Variants in SLCO3A1 observed in about 807,000 individuals in gnomAD.
SLCO3A1 encodes the protein solute carrier organic anion transporter family member 3A1.
Under a neutral mutation model 63.1 loss-of-function variants are expected in SLCO3A1, and 27 were observed. The ratio of observed to expected loss-of-function variants is 0.43; its 90% CI spans 0.32 to 0.59. The LOEUF is 0.59. Ranked by LOEUF, SLCO3A1 falls within the 20% of genes least tolerant of loss-of-function variation. SLCO3A1 has a pLI of 0.09. For missense variants in SLCO3A1, 773 were observed against 945.8 expected (o/e 0.82, Z 2.40); for synonymous variants, 473 against 409.9 (o/e 1.15, Z -1.86).
chr15:91,868,855 T>C (rs556801537), intron 1 of SLCO3A1, among the ~76,000 whole-genome samples: 1 of 152,330 alleles, frequency 6.6e-6, no homozygotes, highest in South Asian at 2.1e-4. Context: ...AACCTACTCT[T>C]TCCTCTAAAT....
intron 2 of SLCO3A1, among the ~76,000 whole-genome samples, chr15:91,989,589 A>C (rs771696920): frequency 7.2e-5 from 11 of 152,256 alleles, no homozygotes; most frequent in Non-Finnish European, 1.3e-4. Flanking sequence ...TTGCAGAGTC[A>C]TGGTACAAAT....
chr15:92,053,929 C>T (rs1029280380), intron 2 of SLCO3A1, among the ~76,000 whole-genome samples: 2 of 152,116 alleles, frequency 1.3e-5, no homozygotes, highest in Non-Finnish European at 2.9e-5. Flanking sequence ...GCAGCCCACA[C>T]TTACAGAGTA....
At chr15:91,965,211 C>T (rs76094847) in intron 2 of SLCO3A1, among the ~76,000 whole-genome samples, 4,660 of 152,206 alleles carry the variant, frequency 0.031, 238 homozygotes, top group African/African-American at 0.11. Context: ...TAAAGAGAAA[C>T]GCATATGCAG....
Position 92,165,595 on chromosome 15 carries a change from A to T in SLCO3A1, c.*2460A>T. ...AATGTGAAAAAGATGTTAGAATAAC[A>T]GGAAGACAACTCCAGGGCTGAGTTT... On this transcript the variant is annotated 3_prime_UTR_variant, in exon 10 of 10. Transcript: ENST00000318445. 5 of 985,266 alleles carry T rather than the reference A, an allele frequency of 5.1e-6. No individual in the cohort carries two copies. The South Asian group carries it at 2.3e-4, about 46-fold the overall frequency. The allele number at this position is 985,266 out of a possible 1,614,324, so 61.0% of individuals were successfully genotyped here.
intron 2 of SLCO3A1, among the ~76,000 whole-genome samples, chr15:92,032,258 G>A (rs1043493159): frequency 6.6e-6 from 1 of 152,158 alleles, no homozygotes. Flanking sequence ...GTGGCAGGGG[G>A]AGAATGAGGG....
chr15:91,974,715 C>G (rs1366096796), intron 2 of SLCO3A1, among the ~76,000 whole-genome samples: 3 of 152,144 alleles, frequency 2.0e-5, no homozygotes, highest in Non-Finnish European at 4.4e-5. Context: ...GAAAATCTCT[C>G]CGAAAGAGGA....
chr15:92,170,185 C>T (rs1432726470), downstream of SLCO3A1, among the ~76,000 whole-genome samples: 1 of 152,094 alleles, frequency 6.6e-6, no homozygotes, highest in Non-Finnish European at 1.5e-5. Flanking sequence ...TTTGGCAAGA[C>T]CATTTGATTT....
At position 92,127,204 on chromosome 15, in the gene SLCO3A1, G is replaced by C. The variant is rs376809955; in HGVS notation, c.1373+945G>C. Among the ~76,000 whole-genome samples, 6 of 152,268 alleles carry C rather than the reference G, an allele frequency of 3.9e-5. No individual in the cohort carries two copies. The East Asian group carries it at 7.7e-4, about 20-fold the overall frequency. ...CCCGCCCCAGCCTGGCCCCGACTTC[G>C]TGTTCAGATATGTCTTCTTCCCGTT... is the stretch of plus-strand genomic sequence containing the variant. On this transcript the variant is annotated intron_variant, in intron 6 of 9. Coordinates refer to ENST00000318445, the MANE Select transcript of SLCO3A1 (RefSeq NM_013272.4).
At chr15:92,152,163 G>C (rs1477427780) in intron 9 of SLCO3A1, among the ~76,000 whole-genome samples, 2 of 152,172 alleles carry the variant, frequency 1.3e-5, no homozygotes, top group African/African-American at 4.8e-5. Context: ...TTGTTTTAAA[G>C]TTTTGAATGA....
At chr15:91,974,752 G>A (rs560209797) in intron 2 of SLCO3A1, among the ~76,000 whole-genome samples, 8 of 152,320 alleles carry the variant, frequency 5.3e-5, no homozygotes, top group Non-Finnish European at 1.0e-4. Context: ...GCAGGAAGGC[G>A]GAGACATTCA....
intron 2 of SLCO3A1, among the ~76,000 whole-genome samples, chr15:91,938,184 G>C (rs1390990624): frequency 6.6e-6 from 1 of 152,196 alleles, no homozygotes; most frequent in Non-Finnish European, 1.5e-5. Flanking sequence ...CTGAGCCTCA[G>C]TGTGCTCATG....
In SLCO3A1 at chr15:91,967,532, C is replaced by G. The variant is rs139874772; in HGVS notation, c.646+51074C>G. On this transcript the variant is annotated intron_variant, in intron 2 of 9. Coordinates refer to ENST00000318445, the MANE Select transcript of SLCO3A1 (RefSeq NM_013272.4). This position sits in a 1 kb window ranked among gnomAD's most constrained non-coding sequence, Gnocchi z 4.4. The stretch of plus-strand genomic sequence containing the variant: ...CCGTTGTGGGGACATAACGCAGAAG[C>G]GTTGCCACAGGATAAAGACAGCACT... 1.3e-5 allele frequency among the ~76,000 whole-genome samples: 2 copies of G among 152,134 alleles called. No homozygotes were observed. Among genetic ancestry groups the G allele is most frequent in the Non-Finnish European group, 2.9e-5 (2 of 68,036 alleles).
rs1203136723 is a variant in SLCO3A1, at chr15:91,897,558, G to A, written c.181-18435G>A. Among the ~76,000 whole-genome samples the A allele has an allele frequency of 6.6e-6, 1 of 152,180 alleles. No homozygotes were observed. Among genetic ancestry groups the A allele is most frequent in the African/African-American group, 2.4e-5 (1 of 41,436 alleles). ...TGGATCAAAATAAAAAACTCAACAG[G>A]CTTCTTCTGATTTCTGACAGTTTCT... is the stretch of plus-strand genomic sequence containing the variant. On this transcript the variant is annotated intron_variant, in intron 1 of 9. Coordinates refer to ENST00000318445, the MANE Select transcript of SLCO3A1 (RefSeq NM_013272.4). This position sits in a 1 kb window ranked among gnomAD's most constrained non-coding sequence, Gnocchi z 4.7.
chr15:92,073,466 A>C (rs2047240266), intron 2 of SLCO3A1, among the ~76,000 whole-genome samples: 1 of 152,210 alleles, frequency 6.6e-6, no homozygotes, highest in Non-Finnish European at 1.5e-5. Context: ...TGTAGGGTTC[A>C]GGTTTTCATC....
chr15:92,079,623 C>T (rs1206165202), intron 2 of SLCO3A1, among the ~76,000 whole-genome samples: 2 of 152,232 alleles, frequency 1.3e-5, no homozygotes, highest in Non-Finnish European at 2.9e-5. Flanking sequence ...AACACAATCA[C>T]GTGCTGAGGT....
chr15:91,868,342 A>ACACCCAGC (rs1897215896), intron 1 of SLCO3A1, among the ~76,000 whole-genome samples: 2 of 132,784 alleles, frequency 1.5e-5, no homozygotes, highest in Non-Finnish European at 3.1e-5. Flanking sequence ...ATGAACCACC[A>ACACCCAGC]CACCCAGCCG....
At chr15:92,104,947 G>A (rs1283440158) in intron 4 of SLCO3A1, among the ~76,000 whole-genome samples, 1 of 151,358 alleles carries the variant, frequency 6.6e-6, no homozygotes, top group Non-Finnish European at 1.5e-5. Context: ...TCTTTGAAAA[G>A]CCACCTCCAG....
intron 2 of SLCO3A1, among the ~76,000 whole-genome samples, chr15:92,041,102 A>C (rs981751883): frequency 6.6e-6 from 1 of 152,136 alleles, no homozygotes; most frequent in Non-Finnish European, 1.5e-5. Context: ...GAAAGTGTCT[A>C]GTCTACAGGA....
chr15:92,001,018 T>C (rs2046248366), intron 2 of SLCO3A1, among the ~76,000 whole-genome samples: 1 of 152,146 alleles, frequency 6.6e-6, no homozygotes, highest in Non-Finnish European at 1.5e-5. Context: ...CTCCTAAATA[T>C]GCAATTTACC....
Sources: gnomAD v4.1 joint callset for allele counts (sites outside exome capture counted in the v4.1 genomes callset) on GRCh38, gnomAD v4.1.1 for gene constraint, Gnocchi (gnomAD v3.1) non-coding constraint, MANE v1.5 for transcripts, NCBI Gene and HGNC (gene_info 2026-07-23, HGNC 2026-07-21) for gene names.